The following GRIA1 variants were observed in gnomAD, a reference collection of about 807,000 sequenced individuals.
The protein encoded by GRIA1 is glutamate receptor 1.
Under a neutral mutation model 99.2 loss-of-function variants are expected in GRIA1, and 31 were observed. The observed-to-expected ratio is 0.31, with a 90% CI of 0.23 to 0.42. The LOEUF (loss-of-function observed/expected upper bound fraction) is 0.42. GRIA1 is among the 10% of genes least tolerant of loss of function. The pLI, the probability that GRIA1 is intolerant of heterozygous loss-of-function variation, is 1.00. For synonymous variants in GRIA1, 438 were observed against 432.4 expected (o/e 1.01, Z -0.16); for missense variants, 782 against 1,157.5 (o/e 0.68, Z 4.71).
intron 12 of GRIA1, among the ~76,000 whole-genome samples, chr5:153,769,280 C>A (rs946128119): frequency 6.6e-6 from 1 of 152,122 alleles, no homozygotes; most frequent in Admixed American, 6.5e-5. Flanking sequence ...CTAGGTCCCA[C>A]CTCAGAATTG....
At position 153,578,218 on chromosome 5, in the gene GRIA1, G is replaced by A. The variant is rs546788192; in HGVS notation, c.221-68710G>A. Among the ~76,000 whole-genome samples the A allele has an allele frequency of 8.4e-4, 123 of 146,284 alleles. 3 individuals are homozygous for A. Among genetic ancestry groups the A allele is most frequent in the African/African-American group, 3.0e-3 (118 of 39,742 alleles). ...GAAAAGAAAAGGAGAAAGAAAACAC[G>A]ATTCTCTGAAGAAAAAAGCAATACA... is the stretch of plus-strand genomic sequence containing the variant. On this transcript the variant is annotated intron_variant, in intron 2 of 15. Transcript: ENST00000285900.
chr5:153,602,154 G>T (rs1474357328), intron 2 of GRIA1, among the ~76,000 whole-genome samples: 1 of 152,164 alleles, frequency 6.6e-6, no homozygotes, highest in Non-Finnish European at 1.5e-5. Flanking sequence ...TGATAGACTG[G>T]ATTAAGAAAA....
chr5:153,804,056 G>A (rs1394222383), intron 15 of GRIA1, among the ~76,000 whole-genome samples: 1 of 152,040 alleles, frequency 6.6e-6, no homozygotes, highest in Non-Finnish European at 1.5e-5. Context: ...CCCACCTCAT[G>A]TTCCCACTCA....
At chr5:153,659,416 G>A (rs542557496) in intron 5 of GRIA1, among the ~76,000 whole-genome samples, 104 of 152,254 alleles carry the variant, frequency 6.8e-4, no homozygotes, top group African/African-American at 2.5e-3. Context: ...CTGGGTCCTG[G>A]AACACACAAG....
chr5:153,616,278 A>T (rs186306748), intron 2 of GRIA1, among the ~76,000 whole-genome samples: 5 of 152,084 alleles, frequency 3.3e-5, no homozygotes, highest in African/African-American at 9.7e-5. Context: ...TTCTTCCTTT[A>T]TGCTCCTTTT....
intron 2 of GRIA1, among the ~76,000 whole-genome samples, chr5:153,524,177 A>C (rs1757402747): frequency 6.6e-6 from 1 of 152,132 alleles, no homozygotes; most frequent in Admixed American, 6.5e-5. Flanking sequence ...AAATACAAAA[A>C]TTAGCTGGGC....
intron 2 of GRIA1, among the ~76,000 whole-genome samples, chr5:153,566,177 T>C (rs1761592319): frequency 6.6e-6 from 1 of 152,108 alleles, no homozygotes; most frequent in Non-Finnish European, 1.5e-5. Context: ...TCTGTGGGTA[T>C]GAAGTGGTAT....
intron 14 of GRIA1, among the ~76,000 whole-genome samples, chr5:153,799,285 G>A (rs771983070): frequency 5.3e-5 from 8 of 152,186 alleles, no homozygotes; most frequent in Non-Finnish European, 1.0e-4. Context: ...GGACACTGCA[G>A]ACCAGAGGAA....
chr5:153,524,324 T>TA lies in GRIA1; in HGVS notation c.220+30266dup, dbSNP rs567036986. Among the ~76,000 whole-genome samples the TA allele has an allele frequency of 5.3e-5, 8 of 152,154 alleles. No homozygotes were observed. The South Asian group carries it at 1.7e-3, about 32-fold the overall frequency. On this transcript the variant is annotated intron_variant, in intron 2 of 15. Transcript: ENST00000285900. ...CCTGGAAACAGAGTGAGACTCAGTT[T>TA]AAAAAAACAAAAAGAATTCTTGGCA... is the stretch of plus-strand genomic sequence containing the variant.
At chr5:153,809,859 A>G (rs1357706924) in intron 15 of GRIA1, among the ~76,000 whole-genome samples, 1 of 152,196 alleles carries the variant, frequency 6.6e-6, no homozygotes, top group Admixed American at 6.5e-5. Flanking sequence ...TAGTCTAGGA[A>G]GGCTTCAAGA....
chr5:153,520,989 A>T (rs1757085346), intron 2 of GRIA1, among the ~76,000 whole-genome samples: 1 of 152,226 alleles, frequency 6.6e-6, no homozygotes, highest in African/African-American at 2.4e-5. Flanking sequence ...AAGCAGTGGA[A>T]CAAGGATTTG....
At chr5:153,772,357 T>G (rs972488125) in intron 13 of GRIA1, among the ~76,000 whole-genome samples, 6 of 151,896 alleles carry the variant, frequency 4.0e-5, no homozygotes, top group Non-Finnish European at 8.8e-5. Flanking sequence ...AAATAGCATG[T>G]GCAAAGATTC....
intron 11 of GRIA1, among the ~76,000 whole-genome samples, chr5:153,758,180 A>G (rs1174543161): frequency 6.6e-6 from 1 of 152,118 alleles, no homozygotes; most frequent in African/African-American, 2.4e-5. Context: ...GAAAACATGT[A>G]ACAAAATGGC....
rs1766896374 is a variant in GRIA1 at position 153,812,657 on chromosome 5, T to C, written c.*1432T>C. 1 of 152,174 alleles carries C rather than the reference T, an allele frequency of 6.6e-6. No individual in the cohort carries two copies. The highest frequency in any genetic ancestry group is 6.5e-5 in the Admixed American group (1 of 15,280). The allele number at this position is 152,174 out of a possible 1,614,324, so 9.4% of individuals were successfully genotyped here. ...TGAGGACGTTGTATTCCAATATACG[T>C]ATGATTGGGGCTACAAAGCTGAACT... On this transcript the variant is annotated 3_prime_UTR_variant, in exon 16 of 16. Transcript: ENST00000285900.
At chr5:153,495,132 T>C (rs1754287079) in intron 2 of GRIA1, among the ~76,000 whole-genome samples, 1 of 152,208 alleles carries the variant, frequency 6.6e-6, no homozygotes, top group Admixed American at 6.5e-5. Context: ...AAAATAATGT[T>C]GTTACAAATT....
chr5:153,565,352 C>T (rs934583237), intron 2 of GRIA1, among the ~76,000 whole-genome samples: 1 of 152,146 alleles, frequency 6.6e-6, no homozygotes, highest in Non-Finnish European at 1.5e-5. Flanking sequence ...AAGAAAAGTG[C>T]TTCAATAAAT....
At chr5:153,681,214 C>A (rs1224908342) in intron 7 of GRIA1, among the ~76,000 whole-genome samples, 1 of 152,078 alleles carries the variant, frequency 6.6e-6, no homozygotes, top group African/African-American at 2.4e-5. Context: ...TTTACACAAC[C>A]AGCTCTCATG....
chr5:153,516,843 A>G (rs1367874514), intron 2 of GRIA1, among the ~76,000 whole-genome samples: 2 of 152,208 alleles, frequency 1.3e-5, no homozygotes, highest in Admixed American at 1.3e-4. Context: ...AAAAGAAAAA[A>G]AGGAAAAACA....
intron 7 of GRIA1, among the ~76,000 whole-genome samples, chr5:153,683,662 C>T (rs1166853147): frequency 6.6e-6 from 1 of 152,100 alleles, no homozygotes. Flanking sequence ...TGAAAGAGTC[C>T]CCTTGTCTTA....
Sources: gnomAD v4.1 joint callset for allele counts (sites outside exome capture counted in the v4.1 genomes callset) on GRCh38, gnomAD v4.1.1 for gene constraint, MANE v1.5 for transcripts, NCBI Gene and HGNC (gene_info 2026-07-23, HGNC 2026-07-21) for gene names.